CACNA1H: variants seen among roughly 807,000 people sequenced by gnomAD.
CACNA1H encodes voltage-dependent T-type calcium channel subunit alpha-1H.
A neutral mutation model predicts 192.5 loss-of-function variants in CACNA1H; 149 were observed. The observed-to-expected ratio is 0.77, with a 90% confidence interval of 0.68 to 0.89. The LOEUF is 0.89. Among genes scored for constraint, CACNA1H ranks in the 40% least tolerant of loss-of-function variants. CACNA1H has a pLI of 0.00. For synonymous variants in CACNA1H, 2,202 were observed against 1,475.2 expected (o/e 1.49, Z -11.29); for missense variants, 4,257 against 3,423.5 (o/e 1.24, Z -6.08).
chr16:1,169,283 C>G (rs1480375264), intron 2 of CACNA1H, among the ~76,000 whole-genome samples: 2 of 152,154 alleles, frequency 1.3e-5, no homozygotes, highest in Non-Finnish European at 2.9e-5. Context: ...CGCTGGTGGC[C>G]GAATCTGCCC....
Position 1,221,004 on chromosome 16 carries a change from T to A in CACNA1H, c.*10T>A, listed in dbSNP as rs59336915. 1,827 of 1,555,052 alleles carry A rather than the reference T, an allele frequency of 1.2e-3. 21 individuals are homozygous for A. The Admixed American group carries it at 0.019, about 16-fold the overall frequency. Reference sequence around the variant, plus strand: ...AGATGACCCCGTGTAGCTCGGGGCTTGGTGCCGCCCACGGCTTTGGCCCTG... The same window carrying A: ...AGATGACCCCGTGTAGCTCGGGGCTAGGTGCCGCCCACGGCTTTGGCCCTG... On this transcript the variant is annotated 3_prime_UTR_variant, in exon 35 of 35. Transcript: ENST00000348261.
At chr16:1,164,569 C>T (rs571460857) in intron 2 of CACNA1H, among the ~76,000 whole-genome samples, 2 of 152,342 alleles carry the variant, frequency 1.3e-5, no homozygotes, top group South Asian at 4.1e-4. Context: ...TGGCCTGCAG[C>T]GTGGGCACAG....
rs746999736 is a variant in CACNA1H, at chr16:1,211,741, C to T, written c.4502C>T (p.Ser1501Leu). The T allele has an allele frequency of 6.2e-7, 1 of 1,612,654 alleles. No individual in the cohort carries two copies. Among genetic ancestry groups the T allele is most frequent in the Non-Finnish European group, 8.5e-7 (1 of 1,179,722 alleles). Residue 1501 changes from serine (S) to leucine (L), a missense_variant, in exon 24 of 35, where the codon TCA (serine) becomes TTA (leucine). Ser to Leu is a moderately radical substitution (Grantham distance 145). Coordinates refer to ENST00000348261, the MANE Select transcript of CACNA1H (RefSeq NM_021098.3). ...GQALMSLFVL[S>L]SKDGWVNIMY... is the part of the protein sequence containing the mutation. Reference sequence around the variant, plus strand: ...GCCCTGATGTCGCTGTTCGTGCTGTCATCCAAGGATGGATGGGTGAACATC... The same window carrying T: ...GCCCTGATGTCGCTGTTCGTGCTGTTATCCAAGGATGGATGGGTGAACATC...
Position 1,201,874 on chromosome 16 carries a change from G to C in CACNA1H, c.1424G>C (p.Ser475Thr), listed in dbSNP as rs1413707925. The change falls in exon 9 of 35, where the codon AGC becomes ACC. Residue 475 changes from serine (S) to threonine (T), a missense_variant. By Grantham distance (58) the Ser-to-Thr change is moderately conservative (BLOSUM62 1). Coordinates refer to ENST00000348261, the MANE Select transcript of CACNA1H (RefSeq NM_021098.3). The part of the protein sequence containing the change: ...GHIFRKVKRR[S>T]LRLYARWQSR... ...ATATTCCGCAAGGTCAAGCGGCGCA[G>C]CTTGCGCCTCTACGCCCGCTGGCAG... 2 of 1,554,948 alleles carry C rather than the reference G, an allele frequency of 1.3e-6. No homozygotes were observed. The highest frequency in any genetic ancestry group is 1.7e-6 in the Non-Finnish European group (2 of 1,149,838).
Position 1,167,981 on chromosome 16 carries a change from C to A in CACNA1H, c.299+13945C>A, listed in dbSNP as rs1160781879. On this transcript the variant is annotated intron_variant, in intron 2 of 34. Coordinates refer to ENST00000348261, the MANE Select transcript of CACNA1H (RefSeq NM_021098.3). This position sits in a 1 kb window ranked among gnomAD's most constrained non-coding sequence, Gnocchi z 4.2. ...GGGCTGCCTGGAGGCGGCCGCTTGT[C>A]CCCAAGGCCTGGTGACCGCACCTCT... Among the ~76,000 whole-genome samples, 1 of 152,198 alleles carries A rather than the reference C, an allele frequency of 6.6e-6. No individual in the cohort carries two copies. Among genetic ancestry groups the A allele is most frequent in the East Asian group, 1.9e-4 (1 of 5,178 alleles).
In CACNA1H at chr16:1,180,627, G is replaced by A. The variant is rs984325112; in HGVS notation, c.300-14345G>A. On this transcript the variant is annotated intron_variant, in intron 2 of 34. Coordinates refer to ENST00000348261, the MANE Select transcript of CACNA1H (RefSeq NM_021098.3). The surrounding 1 kb of genome is among the most constrained non-coding windows in gnomAD (Gnocchi z 4.4). ...TCCATAGTGTGTCGGGTGGGGAGTGGCCCACCTGGCCTTGGCTTTCCCGGG... is the reference window on the plus strand; with the variant it reads ...TCCATAGTGTGTCGGGTGGGGAGTGACCCACCTGGCCTTGGCTTTCCCGGG... Among the ~76,000 whole-genome samples the A allele has an allele frequency of 8.0e-5, 12 of 149,822 alleles. No individual in the cohort carries two copies. Among genetic ancestry groups the A allele is most frequent in the African/African-American group, 2.4e-4 (10 of 41,046 alleles).
Position 1,218,049 on chromosome 16 carries a change from C to A in CACNA1H, c.5445+9C>A. ...GGAACGGGATCATGAAGGTACCCGC[C>A]GCGGCCATGCCTCTGGCACCTGGCA... On this transcript the variant is annotated intron_variant, in intron 32 of 34. Coordinates refer to ENST00000348261, the MANE Select transcript of CACNA1H (RefSeq NM_021098.3). 1 of 1,596,228 alleles carries A rather than the reference C, an allele frequency of 6.3e-7. No individual in the cohort carries two copies. The highest frequency in any genetic ancestry group is 8.5e-7 in the Non-Finnish European group (1 of 1,171,334).
At chr16:1,182,466 C>A (rs1463801775) in intron 2 of CACNA1H, among the ~76,000 whole-genome samples, 2 of 152,136 alleles carry the variant, frequency 1.3e-5, no homozygotes, top group African/African-American at 4.8e-5. Context: ...CCACGGGCAG[C>A]CCAGCCCCCG....
chr16:1,200,672 G>T, intron 7 of CACNA1H, 44 bp from the exon 8 acceptor site: 1 of 1,576,788 alleles, frequency 6.3e-7, no homozygotes, highest in African/African-American at 1.4e-5. Context: ...CGGGGAGGAG[G>T]AGGAGGGGTC....
intron 6 of CACNA1H, among the ~76,000 whole-genome samples, chr16:1,199,318 A>C (rs1247273854): frequency 1.2e-4 from 4 of 33,566 alleles, no homozygotes; most frequent in Admixed American, 4.3e-4. Flanking sequence ...CATATGCCCC[A>C]CCCCCATCAT....
At chr16:1,158,304 G>C (rs1596286341) in intron 2 of CACNA1H, among the ~76,000 whole-genome samples, 1 of 152,170 alleles carries the variant, frequency 6.6e-6, no homozygotes, top group Non-Finnish European at 1.5e-5. Flanking sequence ...ACCAAGAGCT[G>C]GGGGAGCCGT....
chr16:1,199,032 C>T, intron 6 of CACNA1H: 1 of 471,846 alleles, frequency 2.1e-6, no homozygotes, highest in Non-Finnish European at 3.9e-6. Flanking sequence ...GCCCCACCCC[C>T]CACCATGGCT....
intron 5 of CACNA1H, among the ~76,000 whole-genome samples, chr16:1,197,998 C>T (rs1436615320): frequency 6.6e-6 from 1 of 152,142 alleles, no homozygotes; most frequent in Non-Finnish European, 1.5e-5. Flanking sequence ...GCCGGTCCTC[C>T]CCACCGCCTC....
intron 2 of CACNA1H, among the ~76,000 whole-genome samples, chr16:1,179,372 ACT>A (rs1965235054): frequency 6.6e-6 from 1 of 151,332 alleles, no homozygotes; most frequent in African/African-American, 2.4e-5. Context: ...CCCCCCATGG[ACT>A]CTCCTGCCCC....
chr16:1,214,276 C>A (rs114887471), intron 27 of CACNA1H, among the ~76,000 whole-genome samples: 41 of 152,310 alleles, frequency 2.7e-4, no homozygotes, highest in Non-Finnish European at 5.3e-4. Flanking sequence ...TTATTCGGGT[C>A]CCCCTGCATC....
intron 30 of CACNA1H, among the ~76,000 whole-genome samples, chr16:1,215,963 C>T (rs754681325): frequency 6.6e-6 from 1 of 152,166 alleles, no homozygotes; most frequent in Non-Finnish European, 1.5e-5. Context: ...CCCGGGGCCC[C>T]CTCGGAGCCC....
At chr16:1,193,385 A>G (rs1319905074) in intron 2 of CACNA1H, among the ~76,000 whole-genome samples, 1 of 152,226 alleles carries the variant, frequency 6.6e-6, no homozygotes, top group African/African-American at 2.4e-5. Context: ...CGGCTTCCAC[A>G]GCAGGGCCTC....
intron 26 of CACNA1H, among the ~76,000 whole-genome samples, chr16:1,213,445 C>A (rs987851292): frequency 2.6e-5 from 4 of 152,110 alleles, no homozygotes; most frequent in Admixed American, 2.0e-4. Flanking sequence ...AGCTTCATAC[C>A]CACTCCTGGG....
chr16:1,182,301 C>T (rs554016660), intron 2 of CACNA1H, among the ~76,000 whole-genome samples: 57 of 152,226 alleles, frequency 3.7e-4, no homozygotes, highest in African/African-American at 1.3e-3. Flanking sequence ...CAGAGTCTCC[C>T]GAGGCCATTG....
Sources: gnomAD v4.1 joint callset for allele counts (sites outside exome capture counted in the v4.1 genomes callset) on GRCh38, gnomAD v4.1.1 for gene constraint, Gnocchi (gnomAD v3.1) non-coding constraint, MANE v1.5 for transcripts, NCBI Gene and HGNC (gene_info 2026-07-23, HGNC 2026-07-21) for gene names.